AGPS: variants seen among roughly 807,000 people sequenced by gnomAD.
AGPS encodes the protein alkylglycerone phosphate synthase, also known as alkyldihydroxyacetonephosphate synthase, peroxisomal.
AGPS carries 26 observed loss-of-function variants against 90.7 expected under a neutral mutation model. That is an observed-to-expected ratio of 0.29 (90% CI 0.21 to 0.40). AGPS has a LOEUF of 0.40. Among genes scored for constraint, AGPS ranks in the 10% least tolerant of loss-of-function variants. AGPS has a pLI of 1.00. For synonymous variants in AGPS, 294 were observed against 285.3 expected (o/e 1.03, Z -0.31); for missense variants, 540 against 816.1 (o/e 0.66, Z 4.12).
At chr2:177,454,319 T>G (rs182927384) in intron 8 of AGPS, among the ~76,000 whole-genome samples, 21 of 152,198 alleles carry the variant, frequency 1.4e-4, no homozygotes, top group Non-Finnish European at 2.8e-4. Context: ...TATTTTGCTA[T>G]GTCTTTTCTG....
intron 5 of AGPS, among the ~76,000 whole-genome samples, chr2:177,439,813 A>G (rs1380658570): frequency 6.6e-6 from 1 of 152,114 alleles, no homozygotes; most frequent in African/African-American, 2.4e-5. Context: ...CAGGAGATTG[A>G]CTTTTCTAAA....
At chr2:177,522,018 A>G (rs1006964052) in intron 18 of AGPS, among the ~76,000 whole-genome samples, 1 of 152,154 alleles carries the variant, frequency 6.6e-6, no homozygotes, top group African/African-American at 2.4e-5. Context: ...TAATTTCAGT[A>G]GCACACTTTT....
chr2:177,433,795 G>A (rs1259773965), intron 2 of AGPS, among the ~76,000 whole-genome samples: 4 of 151,860 alleles, frequency 2.6e-5, no homozygotes, highest in African/African-American at 9.7e-5. Flanking sequence ...AGCTTAACTG[G>A]GCTGCCTAGA....
chr2:177,525,166 C>T (rs1238229838), intron 19 of AGPS, among the ~76,000 whole-genome samples: 2 of 151,970 alleles, frequency 1.3e-5, no homozygotes, highest in East Asian at 1.9e-4. Context: ...TAAAAGCTTC[C>T]GATTACTCTA....
intron 2 of AGPS, among the ~76,000 whole-genome samples, chr2:177,420,839 G>T (rs1424540473): frequency 6.6e-6 from 1 of 151,754 alleles, no homozygotes; most frequent in African/African-American, 2.4e-5. Flanking sequence ...ATTATGAAAG[G>T]TGAATGATTT....
chr2:177,399,698 A>T (rs180705745), intron 1 of AGPS, among the ~76,000 whole-genome samples: 91 of 152,334 alleles, frequency 6.0e-4, no homozygotes, highest in South Asian at 3.3e-3. Context: ...CATCTATTTT[A>T]TCTGTATTTA....
intron 1 of AGPS, among the ~76,000 whole-genome samples, chr2:177,418,338 T>C (rs1348794614): frequency 6.6e-6 from 1 of 152,128 alleles, no homozygotes; most frequent in Admixed American, 6.5e-5. Context: ...TGAACCCATG[T>C]GACCAAGTTT....
intron 8 of AGPS, among the ~76,000 whole-genome samples, 200 bp from the exon 9 acceptor site, chr2:177,461,693 T>C (rs1371747748): frequency 6.6e-6 from 1 of 152,054 alleles, no homozygotes; most frequent in African/African-American, 2.4e-5. Flanking sequence ...TCTTGTAACA[T>C]TTTCCACTAG....
chr2:177,402,138 G>A (rs1399319497), intron 1 of AGPS, among the ~76,000 whole-genome samples: 2 of 152,128 alleles, frequency 1.3e-5, no homozygotes, highest in Non-Finnish European at 2.9e-5. Flanking sequence ...GTAGAAAAAA[G>A]AAAAAGTAGA....
intron 1 of AGPS, among the ~76,000 whole-genome samples, chr2:177,405,462 T>A (rs914075482): frequency 6.6e-6 from 1 of 152,240 alleles, no homozygotes; most frequent in Non-Finnish European, 1.5e-5. Context: ...TTTCCTTGAG[T>A]CATCAATCTT....
chr2:177,450,188 T>A (rs1686897304), intron 8 of AGPS, among the ~76,000 whole-genome samples: 1 of 152,192 alleles, frequency 6.6e-6, no homozygotes, highest in African/African-American at 2.4e-5. Context: ...AGTTTTGGAA[T>A]TCTTTATTTA....
intron 19 of AGPS, among the ~76,000 whole-genome samples, chr2:177,526,411 G>T (rs1159443897): frequency 2.0e-5 from 3 of 152,028 alleles, no homozygotes; most frequent in African/African-American, 7.2e-5. Flanking sequence ...TGTATTTTTA[G>T]TAGAGACGGG....
intron 9 of AGPS, among the ~76,000 whole-genome samples, chr2:177,465,157 G>C (rs577067570): frequency 6.6e-6 from 1 of 152,134 alleles, no homozygotes; most frequent in African/African-American, 2.4e-5. Context: ...AGCTGAGCAT[G>C]GTAGCACATA....
At chr2:177,494,548 G>T (rs960434910) in intron 12 of AGPS, among the ~76,000 whole-genome samples, 1 of 152,134 alleles carries the variant, frequency 6.6e-6, no homozygotes, top group African/African-American at 2.4e-5. Context: ...CTAGGCATTT[G>T]TAAAATTAGT....
chr2:177,417,043 C>T (rs563740357), intron 1 of AGPS, among the ~76,000 whole-genome samples: 10 of 152,230 alleles, frequency 6.6e-5, no homozygotes, highest in Non-Finnish European at 1.5e-4. Flanking sequence ...ATTACACTAT[C>T]GGAAGTATAG....
chr2:177,529,957 C>T (rs2079122478), intron 19 of AGPS, among the ~76,000 whole-genome samples: 1 of 152,202 alleles, frequency 6.6e-6, no homozygotes, highest in African/African-American at 2.4e-5. Flanking sequence ...ACGTGTTAAT[C>T]TATGTAAAAC....
chr2:177,517,699 A>G (rs1056933364), intron 17 of AGPS, among the ~76,000 whole-genome samples: 4 of 152,178 alleles, frequency 2.6e-5, no homozygotes, highest in Non-Finnish European at 5.9e-5. Context: ...AGTATTGTAC[A>G]AATATTTCCT....
intron 12 of AGPS, among the ~76,000 whole-genome samples, chr2:177,494,256 A>G (rs1407300943): frequency 6.6e-6 from 1 of 152,246 alleles, no homozygotes; most frequent in Non-Finnish European, 1.5e-5. Context: ...AAACTTAACT[A>G]AAGTCAGGTT....
intron 1 of AGPS, among the ~76,000 whole-genome samples, chr2:177,396,088 A>AGGGGGGGGGGGGGG (rs1685164538): frequency 2.8e-4 from 1 of 3,626 alleles, no homozygotes. Flanking sequence ...TGGGGGTGGG[A>AGGGGGGGGGGGGGG]GGGTGGGGGT....
Sources: gnomAD v4.1 joint callset for allele counts (sites outside exome capture counted in the v4.1 genomes callset) on GRCh38, gnomAD v4.1.1 for gene constraint, MANE v1.5 for transcripts, NCBI Gene and HGNC (gene_info 2026-07-23, HGNC 2026-07-21) for gene names.